GALNT13: variants seen among roughly 807,000 people sequenced by gnomAD.
GALNT13 encodes polypeptide N-acetylgalactosaminyltransferase 13, also known as UDP-GalNAc:polypeptide N-acetylgalactosaminyltransferase 13.
GALNT13 carries 28 observed loss-of-function variants against 64.2 expected under a neutral mutation model. The observed-to-expected ratio is 0.44, with a 90% CI of 0.32 to 0.60. The LOEUF (loss-of-function observed/expected upper bound fraction) is 0.60, where lower values mean the gene tolerates loss of function less well. Among genes scored for constraint, GALNT13 ranks in the 20% least tolerant of loss-of-function variants. The pLI is 0.05. For synonymous variants in GALNT13, 214 were observed against 224.6 expected (o/e 0.95, Z 0.42); for missense variants, 577 against 669.8 (o/e 0.86, Z 1.53).
intron 12 of GALNT13, among the ~76,000 whole-genome samples, chr2:154,445,323 A>G (rs1210490970): frequency 1.3e-5 from 2 of 151,876 alleles, no homozygotes; most frequent in Non-Finnish European, 2.9e-5. Flanking sequence ...AAGCAAAATC[A>G]TTTTGTTTTT....
chr2:154,340,377 A>G (rs578139858), intron 9 of GALNT13, among the ~76,000 whole-genome samples: 1 of 152,212 alleles, frequency 6.6e-6, no homozygotes, highest in South Asian at 2.1e-4. Context: ...GGTGCATGCC[A>G]CTGTGCCTGG....
At chr2:153,100,808 C>A in the GALNT13 span, among the ~76,000 whole-genome samples, 398 of 152,264 alleles carry the variant, frequency 2.6e-3, 3 homozygotes, top group Non-Finnish European at 4.6e-3. Context: ...GCAGGGAGAT[C>A]TCTTGAGGCC....
chr2:153,263,332 G>T, the GALNT13 span, among the ~76,000 whole-genome samples: 1 of 152,098 alleles, frequency 6.6e-6, no homozygotes, highest in Non-Finnish European at 1.5e-5. Context: ...CATGCTTATG[G>T]ATAGGAAGAA....
intron 3 of GALNT13, among the ~76,000 whole-genome samples, chr2:154,058,839 C>G (rs894057275): frequency 1.3e-5 from 2 of 151,966 alleles, no homozygotes; most frequent in African/African-American, 4.8e-5. Context: ...AAGAGAGGAA[C>G]CATTGTAGGG....
chr2:154,269,995 A>G (rs559443195), intron 8 of GALNT13, among the ~76,000 whole-genome samples: 2 of 145,152 alleles, frequency 1.4e-5, no homozygotes, highest in South Asian at 4.5e-4. Context: ...AATTCTGTTT[A>G]TCCAAAACAA....
the GALNT13 span, among the ~76,000 whole-genome samples, chr2:153,229,114 A>T: frequency 1.3e-5 from 2 of 152,088 alleles, no homozygotes; most frequent in Non-Finnish European, 2.9e-5. Context: ...GTTTTCCATT[A>T]TGGGTGGGGC....
the GALNT13 span, among the ~76,000 whole-genome samples, chr2:153,345,073 A>G: frequency 1.6e-4 from 24 of 152,350 alleles, 1 homozygote; most frequent in East Asian, 4.4e-3. Flanking sequence ...ATTTGACTTC[A>G]GGGAAAATAA....
chr2:153,426,668 T>G, the GALNT13 span, among the ~76,000 whole-genome samples: 2 of 152,188 alleles, frequency 1.3e-5, no homozygotes, highest in South Asian at 4.1e-4. Flanking sequence ...GTGTACATTT[T>G]ATTTCCTTCT....
intron 4 of GALNT13, among the ~76,000 whole-genome samples, chr2:154,225,156 T>TGAC (rs56226342): frequency 0.013 from 1,306 of 100,100 alleles, 6 homozygotes; most frequent in Admixed American, 0.022. Flanking sequence ...GACAGATAGA[T>TGAC]AGATGATAGA....
At chr2:153,520,142 A>G in the GALNT13 span, among the ~76,000 whole-genome samples, 1 of 152,234 alleles carries the variant, frequency 6.6e-6, no homozygotes, top group Non-Finnish European at 1.5e-5. Flanking sequence ...TCATTTAAAA[A>G]TAATATTTAA....
chr2:154,413,516 C>T (rs2105403530), intron 11 of GALNT13, among the ~76,000 whole-genome samples: 1 of 152,078 alleles, frequency 6.6e-6, no homozygotes, highest in East Asian at 1.9e-4. Context: ...AAATTCTTTC[C>T]TATGATATAC....
At chr2:154,369,845 C>G (rs1390258534) in intron 9 of GALNT13, among the ~76,000 whole-genome samples, 2 of 152,132 alleles carry the variant, frequency 1.3e-5, no homozygotes, top group Non-Finnish European at 2.9e-5. Context: ...GGTTGATAGG[C>G]TTCTCGCTGT....
chr2:153,473,498 C>A, the GALNT13 span, among the ~76,000 whole-genome samples: 2 of 152,154 alleles, frequency 1.3e-5, no homozygotes, highest in Non-Finnish European at 2.9e-5. Flanking sequence ...CATTTAAATT[C>A]AGACATTAGG....
intron 9 of GALNT13, among the ~76,000 whole-genome samples, chr2:154,316,403 T>G (rs1212173487): frequency 6.6e-6 from 1 of 152,208 alleles, no homozygotes; most frequent in Non-Finnish European, 1.5e-5. Flanking sequence ...GATTTAATTA[T>G]GTTTTCAACA....
chr2:153,875,896 C>T (rs1048031848), intron 1 of GALNT13, among the ~76,000 whole-genome samples: 9 of 152,120 alleles, frequency 5.9e-5, no homozygotes, highest in African/African-American at 2.2e-4. Context: ...AAACCTCTTG[C>T]AACAAACAAC....
chr2:153,689,596 G>T, the GALNT13 span, among the ~76,000 whole-genome samples: 5 of 152,018 alleles, frequency 3.3e-5, no homozygotes, highest in African/African-American at 1.2e-4. Flanking sequence ...CTATGAATTA[G>T]ATTTTTGTTT....
chr2:153,365,921 A>G, the GALNT13 span, among the ~76,000 whole-genome samples: 2 of 152,130 alleles, frequency 1.3e-5, no homozygotes, highest in African/African-American at 4.8e-5. Flanking sequence ...AAATCATTCT[A>G]CTATAAAGAC....
chr2:154,364,403 C>T (rs989799052), intron 9 of GALNT13, among the ~76,000 whole-genome samples: 7 of 152,074 alleles, frequency 4.6e-5, no homozygotes, highest in African/African-American at 1.7e-4. Flanking sequence ...GGAAGACTGG[C>T]TTTACAAGTT....
chr2:153,820,908 G>T, the GALNT13 span, among the ~76,000 whole-genome samples: 2 of 151,922 alleles, frequency 1.3e-5, no homozygotes, highest in Admixed American at 6.6e-5. Context: ...CACTTAAAAT[G>T]CACAAAGTAG....
Sources: allele counts gnomAD v4.1 joint callset (sites outside exome capture counted in the v4.1 genomes callset), GRCh38; gene constraint gnomAD v4.1.1; transcripts MANE v1.5; gene names NCBI Gene and HGNC (gene_info 2026-07-23, HGNC 2026-07-21).